Variants in COL4A2 observed in about 807,000 individuals in gnomAD.
The protein encoded by COL4A2 is collagen alpha-2(IV) chain.
Under a neutral mutation model 200.2 loss-of-function variants are expected in COL4A2, and 99 were observed. The observed-to-expected ratio is 0.49, with a 90% CI of 0.42 to 0.58. The LOEUF (loss-of-function observed/expected upper bound fraction) is 0.58, where lower values mean the gene tolerates loss of function less well. COL4A2 is among the 20% of genes least tolerant of loss of function. The pLI is 0.00. For missense variants in COL4A2, 1,950 were observed against 2,314.1 expected, an observed-to-expected ratio of 0.84 and a Z score of 3.23; for synonymous variants, 897 against 900.6, an observed-to-expected ratio of 1.00 and a Z score of 0.07.
chr13:110,405,503 G>A (rs1463202648), intron 4 of COL4A2, among the ~76,000 whole-genome samples: 1 of 134,062 alleles, frequency 7.5e-6, no homozygotes, highest in South Asian at 2.7e-4. Flanking sequence ...TCCATCACCC[G>A]ACGTTTTCCT....
rs374790851 is a variant in COL4A2, at chr13:110,508,013, C to T, written c.4673C>T (p.Ala1558Val). ...YCNPGDVCYY[A>V]SRNDKSYWLS... ...AACCCTGGTGATGTCTGCTACTATG[C>T]CAGCCGGAACGACAAGTCCTACTGG... The change falls in exon 47 of 48, where the codon GCC becomes GTC. Residue 1558 changes from alanine (A) to valine (V), a missense_variant. Transcript: ENST00000360467. The surrounding 1 kb of genome is among the most constrained non-coding windows in gnomAD (Gnocchi z 6.1). 1.5e-5 allele frequency: 25 copies of T among 1,614,218 alleles called. No homozygotes were observed. The Admixed American group carries it at 2.8e-4, about 18-fold the overall frequency.
intron 4 of COL4A2, among the ~76,000 whole-genome samples, chr13:110,408,059 AATGAAGTATCCCACCTC>A (rs1477105351): frequency 6.6e-6 from 1 of 152,208 alleles, no homozygotes; most frequent in Non-Finnish European, 1.5e-5. Flanking sequence ...GTTTGGTGTG[AATGAAGTATCCCACCTC>A]ATGAGTTTGG....
At chr13:110,365,798 G>A (rs556857169) in intron 4 of COL4A2, among the ~76,000 whole-genome samples, 22 of 152,268 alleles carry the variant, frequency 1.4e-4, no homozygotes, top group African/African-American at 4.8e-4. Flanking sequence ...ATATTTGAGC[G>A]TTGAAGGAAT....
chr13:110,480,351 A>T lies in COL4A2; in HGVS notation c.2719A>T (p.Lys907Ter). 2 of 1,613,592 alleles carry T rather than the reference A, an allele frequency of 1.2e-6. No homozygotes were observed. Among genetic ancestry groups the T allele is most frequent in the Non-Finnish European group, 1.7e-6 (2 of 1,179,752 alleles). ...EQGHPGSPGF[K>*]GIDGMPGTPG... ...AGGCCATCCAGGAAGCCCTGGATTTAAAGGAATTGATGGAATGCCTGGGAC... is the reference window on the plus strand; with the variant it reads ...AGGCCATCCAGGAAGCCCTGGATTTTAAGGAATTGATGGAATGCCTGGGAC... Residue 907 changes from lysine to a stop codon, truncating the protein, a stop_gained, in exon 31 of 48, where the codon AAA becomes TAA. Coordinates refer to ENST00000360467, the MANE Select transcript of COL4A2 (RefSeq NM_001846.4). LOFTEE classifies it high-confidence loss of function.
chr13:110,324,910 G>T (rs1181313433), intron 3 of COL4A2, among the ~76,000 whole-genome samples: 2 of 152,146 alleles, frequency 1.3e-5, no homozygotes, highest in Non-Finnish European at 2.9e-5. Context: ...TCATCTGTTG[G>T]TTCTTTGGAA....
chr13:110,469,286 C>T lies in COL4A2; in HGVS notation c.2165C>T (p.Pro722Leu). 6.3e-7 allele frequency: 1 copy of T among 1,599,884 alleles called. No homozygotes were observed. The highest frequency in any genetic ancestry group is 8.5e-7 in the Non-Finnish European group (1 of 1,173,462). ...ADGGPGPRGL[P>L]GDAGREGFPG... ...GGAGGACCAGGGCCCAGGGGCTTGC[C>T]AGGAGACGCAGGTCGTGAAGGGTTC... is the stretch of plus-strand genomic sequence containing the variant. The change falls in exon 28 of 48, where the codon CCA (proline) becomes CTA (leucine). Residue 722 changes from proline to leucine, a missense_variant. By Grantham distance (98) the Pro-to-Leu change is moderately conservative. Transcript: ENST00000360467.
chr13:110,422,512 A>G (rs4486743), intron 4 of COL4A2, among the ~76,000 whole-genome samples: 137,315 of 152,242 alleles, frequency 0.9, 61,970 homozygotes, highest in East Asian at 0.98. Context: ...GGAGGCCTGA[A>G]ATTAGGCTGC....
intron 24 of COL4A2, among the ~76,000 whole-genome samples, chr13:110,464,777 G>T (rs1162530224): frequency 6.6e-6 from 1 of 152,120 alleles, no homozygotes; most frequent in East Asian, 1.9e-4. Flanking sequence ...GGACAGCACC[G>T]AGCCGTGCCG....
chr13:110,344,656 C>T (rs143051232), intron 3 of COL4A2, among the ~76,000 whole-genome samples: 1,887 of 152,190 alleles, frequency 0.012, 14 homozygotes, highest in Non-Finnish European at 0.019. Flanking sequence ...ACCCCAGGGC[C>T]GCAGTATTCT....
chr13:110,400,652 A>G (rs1042385028), intron 4 of COL4A2, among the ~76,000 whole-genome samples: 14 of 152,236 alleles, frequency 9.2e-5, no homozygotes, highest in East Asian at 3.8e-4. Flanking sequence ...GTAATCAATG[A>G]AACCTGAATA....
intron 3 of COL4A2, among the ~76,000 whole-genome samples, chr13:110,308,810 T>C (rs1204529355): frequency 6.6e-6 from 1 of 152,154 alleles, no homozygotes; most frequent in Non-Finnish European, 1.5e-5. Flanking sequence ...CTTTGTCCAT[T>C]TTATACGTTT....
intron 17 of COL4A2, 89 bp from the exon 18 acceptor site, chr13:110,446,709 C>A: frequency 8.8e-7 from 1 of 1,130,538 alleles, no homozygotes; most frequent in Non-Finnish European, 1.3e-6. Flanking sequence ...TGACGGTCCA[C>A]GCTCGGGTTT....
chr13:110,482,831 C>T (rs980521196), intron 32 of COL4A2, among the ~76,000 whole-genome samples, 172 bp downstream of exon 32: 5 of 152,174 alleles, frequency 3.3e-5, no homozygotes, highest in African/African-American at 9.7e-5. Flanking sequence ...GGCTTTATCC[C>T]TGCCTCAACA....
At chr13:110,471,239 C>T (rs7329234) in intron 28 of COL4A2, among the ~76,000 whole-genome samples, 90,758 of 152,044 alleles carry the variant, frequency 0.6, 27,265 homozygotes, top group East Asian at 0.68. Flanking sequence ...ACGGGGCTCC[C>T]CTGTAGGGGG....
intron 3 of COL4A2, among the ~76,000 whole-genome samples, chr13:110,327,096 G>A (rs1885435362): frequency 6.6e-6 from 1 of 152,068 alleles, no homozygotes; most frequent in Non-Finnish European, 1.5e-5. Flanking sequence ...TGCTAACCTG[G>A]GCTAGCCTGT....
chr13:110,502,114 A>G (rs1233352642), intron 41 of COL4A2, among the ~76,000 whole-genome samples: 1 of 152,196 alleles, frequency 6.6e-6, no homozygotes, highest in Non-Finnish European at 1.5e-5. Context: ...TGCACTTCCT[A>G]ATCACGAACG....
intron 31 of COL4A2, among the ~76,000 whole-genome samples, chr13:110,481,685 GCTGGAGACACACTGTTCTGTCCTTCCA>G (rs1466860378): frequency 5.2e-5 from 3 of 57,586 alleles, no homozygotes; most frequent in East Asian, 7.3e-4. Context: ...TCCTTCCATT[GCTGGAGACACACTGTTCTGTCCTTCCA>G]TTGCTGGAGA....
intron 4 of COL4A2, among the ~76,000 whole-genome samples, chr13:110,390,157 A>G (rs900362971): frequency 6.6e-6 from 1 of 152,212 alleles, no homozygotes; most frequent in African/African-American, 2.4e-5. Flanking sequence ...AAATATTCGT[A>G]AGACACAATC....
At chr13:110,424,403 T>A (rs540102231) in intron 4 of COL4A2, among the ~76,000 whole-genome samples, 7 of 81,972 alleles carry the variant, frequency 8.5e-5, no homozygotes, top group Non-Finnish European at 1.7e-4. Context: ...TTGTAGAAAT[T>A]CATTTGGAAA....
Sources: allele counts gnomAD v4.1 joint callset (sites outside exome capture counted in the v4.1 genomes callset), GRCh38; gene constraint gnomAD v4.1.1; non-coding constraint Gnocchi (gnomAD v3.1); transcripts MANE v1.5; gene names NCBI Gene and HGNC (gene_info 2026-07-23, HGNC 2026-07-21).